Variants in INPP4B observed in about 807,000 individuals in gnomAD.
The protein encoded by INPP4B is inositol polyphosphate-4-phosphatase type II B, also known as inositol polyphosphate 4-phosphatase type II.
In INPP4B, 55 loss-of-function variants were observed where a neutral mutation model predicts 122.5. The observed-to-expected ratio is 0.45, with a 90% CI of 0.36 to 0.56. The LOEUF (loss-of-function observed/expected upper bound fraction) is 0.56. Among genes scored for constraint, INPP4B ranks in the 20% least tolerant of loss-of-function variants. The probability of loss-of-function intolerance (pLI) is 0.00; values close to 1 mark genes in which losing one functional copy is unlikely to be tolerated. For synonymous variants in INPP4B, 403 were observed against 388.7 expected, an observed-to-expected ratio of 1.04 and a Z score of -0.43; for missense variants, 1,000 against 1,097.7, an observed-to-expected ratio of 0.91 and a Z score of 1.26.
intron 16 of INPP4B, among the ~76,000 whole-genome samples, chr4:142,165,058 T>C (rs1440760411): frequency 2.0e-5 from 3 of 151,764 alleles, no homozygotes; most frequent in Non-Finnish European, 4.4e-5. Flanking sequence ...ATAGTTCAAC[T>C]GTCATCTTTA....
At chr4:142,303,846 T>C (rs1306134448) in intron 9 of INPP4B, among the ~76,000 whole-genome samples, 2 of 152,144 alleles carry the variant, frequency 1.3e-5, no homozygotes, top group African/African-American at 4.8e-5. Context: ...ATTTATGTAT[T>C]TCTTTTCTCT....
At chr4:142,106,782 A>G (rs1051626158) in intron 23 of INPP4B, among the ~76,000 whole-genome samples, 9 of 152,254 alleles carry the variant, frequency 5.9e-5, no homozygotes, top group East Asian at 3.9e-4. Flanking sequence ...TGGCCTGCGA[A>G]TTTGCATTGC....
chr4:142,693,253 T>C (rs537772644), intron 2 of INPP4B, among the ~76,000 whole-genome samples: 3 of 151,950 alleles, frequency 2.0e-5, no homozygotes, highest in African/African-American at 7.2e-5. Flanking sequence ...ACTTTTAGAA[T>C]GGCTGATGGC....
At chr4:142,700,302 G>T (rs1761564880) in intron 2 of INPP4B, among the ~76,000 whole-genome samples, 1 of 152,110 alleles carries the variant, frequency 6.6e-6, no homozygotes, top group Non-Finnish European at 1.5e-5. Context: ...TACAATGAAG[G>T]CACCAAATTT....
At chr4:142,709,526 A>G (rs1762862176) in intron 2 of INPP4B, among the ~76,000 whole-genome samples, 1 of 152,124 alleles carries the variant, frequency 6.6e-6, no homozygotes, top group African/African-American at 2.4e-5. Flanking sequence ...TTCTCATAAT[A>G]GTGAGTTCTC....
chr4:142,526,891 C>T (rs1408621572), intron 2 of INPP4B, among the ~76,000 whole-genome samples: 1 of 151,912 alleles, frequency 6.6e-6, no homozygotes, highest in African/African-American at 2.4e-5. Flanking sequence ...ACGATATAGA[C>T]AAAATTAATC....
intron 7 of INPP4B, among the ~76,000 whole-genome samples, chr4:142,401,081 G>T (rs1490278563): frequency 6.6e-6 from 1 of 152,044 alleles, no homozygotes; most frequent in African/African-American, 2.4e-5. Flanking sequence ...TTAATCAGCG[G>T]CTTTGCAGAA....
At chr4:142,575,068 C>T (rs1266813456) in intron 2 of INPP4B, among the ~76,000 whole-genome samples, 1 of 152,014 alleles carries the variant, frequency 6.6e-6, no homozygotes, top group African/African-American at 2.4e-5. Context: ...ACTAGCTGAA[C>T]TGATTTTCAA....
At chr4:142,113,793 G>A (rs1791486762) in intron 21 of INPP4B, among the ~76,000 whole-genome samples, 1 of 151,894 alleles carries the variant, frequency 6.6e-6, no homozygotes, top group Admixed American at 6.6e-5. Flanking sequence ...TAATTTCTTT[G>A]TGATAATTTT....
intron 7 of INPP4B, 30 bp from the exon 8 acceptor site, chr4:142,314,792 T>C (rs777349545): frequency 5.1e-6 from 8 of 1,581,564 alleles, no homozygotes; most frequent in Middle Eastern, 1.7e-4. Context: ...CTGTAAGACT[T>C]TGGAGTAGAA....
intron 1 of INPP4B, among the ~76,000 whole-genome samples, chr4:142,754,458 T>G (rs1165082101): frequency 6.6e-6 from 1 of 152,038 alleles, no homozygotes; most frequent in Non-Finnish European, 1.5e-5. Flanking sequence ...CCTCCCTGCC[T>G]ACGCCAATAT....
At chr4:142,776,083 A>T (rs953056291) in intron 1 of INPP4B, among the ~76,000 whole-genome samples, 3 of 152,056 alleles carry the variant, frequency 2.0e-5, no homozygotes, top group African/African-American at 7.2e-5. Flanking sequence ...GCTATAAATT[A>T]TTTCTCTACC....
Position 142,580,639 on chromosome 4 carries a change from A to C in INPP4B, c.-190-117913T>G, listed in dbSNP as rs537293080. On this transcript the variant is annotated intron_variant, in intron 2 of 25. Transcript: ENST00000262992. ...TTTTTGGTGTTCAAATATTACAAGA[A>C]GACAAAATATGTATTGAAAATCAGA... Among the ~76,000 whole-genome samples, 10 of 152,168 alleles carry C rather than the reference A, an allele frequency of 6.6e-5. No homozygotes were observed. In the East Asian group the frequency reaches 1.9e-3, roughly 29 times the overall value.
intron 2 of INPP4B, among the ~76,000 whole-genome samples, chr4:142,598,845 G>A (rs897342827): frequency 1.3e-5 from 2 of 152,164 alleles, no homozygotes; most frequent in Non-Finnish European, 2.9e-5. Context: ...CAGCACTGCA[G>A]GCCTACCACT....
At chr4:142,084,964 A>G (rs1189914015) in intron 24 of INPP4B, among the ~76,000 whole-genome samples, 3 of 152,200 alleles carry the variant, frequency 2.0e-5, no homozygotes, top group African/African-American at 7.2e-5. Flanking sequence ...AATTTTTGTT[A>G]GAATTAACAA....
In INPP4B at chr4:142,027,033, A is replaced by AAC. The variant is rs1397649252; in HGVS notation, c.*1747_*1748dup. ...ATCCTACCATTTTCAAATGATATTG[A>AAC]ACAACTCAAAGGTTGTATTTAATCA... On this transcript the variant is annotated 3_prime_UTR_variant, in exon 26 of 26. Transcript: ENST00000262992. The AAC allele has an allele frequency of 2.6e-5, 4 of 152,138 alleles. No individual in the cohort carries two copies. Among genetic ancestry groups the AAC allele is most frequent in the African/African-American group, 9.7e-5 (4 of 41,440 alleles). The allele number at this position is 152,138 out of a possible 1,614,324, so 9.4% of individuals were successfully genotyped here.
At chr4:142,283,018 C>G (rs1016435002) in intron 9 of INPP4B, among the ~76,000 whole-genome samples, 22 of 152,000 alleles carry the variant, frequency 1.4e-4, no homozygotes, top group African/African-American at 5.3e-4. Flanking sequence ...GTTTTAGACA[C>G]AACTTGGGCT....
At chr4:142,721,309 A>T (rs559783732) in intron 2 of INPP4B, among the ~76,000 whole-genome samples, 11 of 152,192 alleles carry the variant, frequency 7.2e-5, no homozygotes, top group African/African-American at 2.6e-4. Flanking sequence ...TACTTTTAGG[A>T]TCTTAGCCTA....
intron 2 of INPP4B, among the ~76,000 whole-genome samples, chr4:142,545,277 T>C (rs544118049): frequency 1.3e-5 from 2 of 152,186 alleles, no homozygotes; most frequent in Non-Finnish European, 2.9e-5. Context: ...TGCATTTATT[T>C]TGTGCCAAAC....
Sources: gnomAD v4.1 joint callset for allele counts (sites outside exome capture counted in the v4.1 genomes callset) on GRCh38, gnomAD v4.1.1 for gene constraint, MANE v1.5 for transcripts, NCBI Gene and HGNC (gene_info 2026-07-23, HGNC 2026-07-21) for gene names.